The following EFTUD2 variants were observed in gnomAD, a reference collection of about 807,000 sequenced individuals.
The protein encoded by EFTUD2 is 116 kDa U5 small nuclear ribonucleoprotein component.
In EFTUD2, 9 loss-of-function variants were observed where a neutral mutation model predicts 114.3. The observed-to-expected ratio is 0.08, with a 90% CI of 0.05 to 0.14. The LOEUF (loss-of-function observed/expected upper bound fraction) is 0.14, where lower values mean the gene tolerates loss of function less well. Among genes scored for constraint, EFTUD2 ranks in the 10% least tolerant of loss-of-function variants. The pLI, the probability that EFTUD2 is intolerant of heterozygous loss-of-function variation, is 1.00. For missense variants in EFTUD2, 765 were observed against 1,241.2 expected (o/e 0.62, Z 5.76); for synonymous variants, 449 against 462.3 (o/e 0.97, Z 0.37).
chr17:44,886,309 C>T (rs1320766080), intron 3 of EFTUD2, among the ~76,000 whole-genome samples: 1 of 152,162 alleles, frequency 6.6e-6, no homozygotes, highest in East Asian at 1.9e-4. Context: ...GATGGAAAAA[C>T]ATATCAGGCC....
chr17:44,877,762 C>T (rs560239897), intron 9 of EFTUD2, among the ~76,000 whole-genome samples: 7 of 151,686 alleles, frequency 4.6e-5, no homozygotes, highest in South Asian at 4.2e-4. Flanking sequence ...GCCAAGATTG[C>T]GCCACTGCAC....
chr17:44,860,472 A>G lies in EFTUD2; in HGVS notation c.1679T>C (p.Val560Ala). The G allele has an allele frequency of 6.2e-7, 1 of 1,614,134 alleles. No individual in the cohort carries two copies. The highest frequency in any genetic ancestry group is 8.5e-7 in the Non-Finnish European group (1 of 1,180,018). ...VLIEGVDQPIVKTATITEPRG... is the reference protein window; with the variant it reads ...VLIEGVDQPIAKTATITEPRG... ...GGGTTCGGTTATGGTTGCTGTCTTC[A>G]CAATTGGTTGATCAACACCTTCAAT... Residue 560 changes from valine (V) to alanine (A), a missense_variant, in exon 17 of 28, where the codon GTG becomes GCG. By Grantham distance (64) the Val-to-Ala change is moderately conservative (BLOSUM62 0). This residue lies in a region of EFTUD2 where 149 missense variants were observed against 245.1 expected (regional missense o/e 0.61). Coordinates refer to ENST00000426333, the MANE Select transcript of EFTUD2 (RefSeq NM_004247.4).
intron 15 of EFTUD2, chr17:44,863,178 T>C (rs185372556): frequency 3.5e-4 from 120 of 342,990 alleles, no homozygotes; most frequent in Admixed American, 3.4e-3. Context: ...AGAGGCACTA[T>C]TGGCAAGATT....
rs2051033958 is a variant in EFTUD2 at position 44,879,654 on chromosome 17, T to G, written c.620-16A>C. 3.7e-6 allele frequency: 6 copies of G among 1,611,410 alleles called. No individual in the cohort carries two copies. The highest frequency in any genetic ancestry group is 5.1e-6 in the Non-Finnish European group (6 of 1,178,290). On this transcript the variant is annotated splice_polypyrimidine_tract_variant and intron_variant, in intron 8 of 27. Coordinates refer to ENST00000426333, the MANE Select transcript of EFTUD2 (RefSeq NM_004247.4). ...TTCACATGTCCTGAAAAGCAAATAC[T>G]AAGTAAGTCATCACTTGGTGCAGGA...
intron 9 of EFTUD2, among the ~76,000 whole-genome samples, chr17:44,876,701 A>C (rs2050957035): frequency 6.6e-6 from 1 of 151,944 alleles, no homozygotes; most frequent in Non-Finnish European, 1.5e-5. Flanking sequence ...AAATACAAAA[A>C]GATGAGCTGG....
chr17:44,853,409 A>G lies in EFTUD2; in HGVS notation c.2467-19T>C, dbSNP rs1158502277. 6.2e-7 allele frequency: 1 copy of G among 1,614,066 alleles called. No homozygotes were observed. Among genetic ancestry groups the G allele is most frequent in the Non-Finnish European group, 8.5e-7 (1 of 1,179,926 alleles). On this transcript the variant is annotated intron_variant, in intron 24 of 27. Transcript: ENST00000426333. The stretch of plus-strand genomic sequence containing the variant: ...GAGTAGCCTGCAGCAGAGCAAGAAG[A>G]AAGGCCCCTCAGCTTGGGGAAGGCT...
intron 9 of EFTUD2, among the ~76,000 whole-genome samples, 196 bp from the exon 10 acceptor site, chr17:44,876,296 T>C (rs1020370795): frequency 6.6e-6 from 1 of 152,116 alleles, no homozygotes; most frequent in Non-Finnish European, 1.5e-5. Context: ...CCTTGCAGGA[T>C]TGAGAAATGA....
intron 2 of EFTUD2, 47 bp downstream of exon 2, chr17:44,894,370 A>C: frequency 4.1e-6 from 6 of 1,471,780 alleles, no homozygotes; most frequent in Non-Finnish European, 5.7e-6. Flanking sequence ...TCTTGTCTTA[A>C]ATAAAATAAA....
At chr17:44,864,806 T>A in intron 14 of EFTUD2, 124 bp downstream of exon 14, 1 of 1,423,438 alleles carries the variant, frequency 7.0e-7, no homozygotes. Context: ...TGCATCTGAA[T>A]CTGTGGTTTG....
intron 2 of EFTUD2, among the ~76,000 whole-genome samples, chr17:44,887,409 A>C (rs2051194398): frequency 6.6e-6 from 1 of 152,234 alleles, no homozygotes; most frequent in Non-Finnish European, 1.5e-5. Flanking sequence ...AAAAAGTGGG[A>C]ACAACCAAAT....
rs760243869 is a variant in EFTUD2, at chr17:44,870,678, G to A, written c.994+1768C>T. ...GAACAGTAAATGTGTTTTTTCTCATGATTTTCTTTGTAACATCTTCTTTTC... is the reference window on the plus strand; with the variant it reads ...GAACAGTAAATGTGTTTTTTCTCATAATTTTCTTTGTAACATCTTCTTTTC... On this transcript the variant is annotated intron_variant, in intron 11 of 27. Transcript: ENST00000426333. 2.0e-5 allele frequency among the ~76,000 whole-genome samples: 3 copies of A among 152,024 alleles called. No individual in the cohort carries two copies. The East Asian group carries it at 5.8e-4, about 29-fold the overall frequency.
intron 10 of EFTUD2, among the ~76,000 whole-genome samples, chr17:44,875,103 A>G (rs1266436070): frequency 6.6e-6 from 1 of 152,198 alleles, no homozygotes; most frequent in African/African-American, 2.4e-5. Context: ...CAGCGGCTCA[A>G]ATCTGTAATG....
intron 23 of EFTUD2, chr17:44,853,952 T>G: frequency 7.4e-7 from 1 of 1,357,028 alleles, no homozygotes; most frequent in East Asian, 2.8e-5. Flanking sequence ...ATTTGGTCCA[T>G]GAAGCCCAAT....
At chr17:44,874,456 T>C (rs2050910814) in intron 10 of EFTUD2, among the ~76,000 whole-genome samples, 1 of 152,228 alleles carries the variant, frequency 6.6e-6, no homozygotes, top group Non-Finnish European at 1.5e-5. Context: ...TTTTGAAAAG[T>C]AGTGCTACAC....
chr17:44,859,326 C>A (rs953019948), intron 18 of EFTUD2, 145 bp from the exon 19 acceptor site: 146 of 663,816 alleles, frequency 2.2e-4, no homozygotes, highest in Non-Finnish European at 3.7e-4. Flanking sequence ...CAAGAAGGTT[C>A]AGTGAGGAGC....
chr17:44,867,746 C>T, intron 13 of EFTUD2, 61 bp downstream of exon 13: 1 of 1,368,612 alleles, frequency 7.3e-7, no homozygotes, highest in South Asian at 1.8e-5. Flanking sequence ...TGTGAGTTCA[C>T]CAGCTCTTCC....
chr17:44,866,995 T>C (rs1436479386), intron 13 of EFTUD2, among the ~76,000 whole-genome samples: 1 of 152,136 alleles, frequency 6.6e-6, no homozygotes, highest in African/African-American at 2.4e-5. Context: ...CAGTCCCAGC[T>C]TCTCAGGAGG....
At chr17:44,897,576 T>A (rs916699940) in intron 1 of EFTUD2, among the ~76,000 whole-genome samples, 7 of 152,290 alleles carry the variant, frequency 4.6e-5, no homozygotes, top group African/African-American at 1.7e-4. Flanking sequence ...TATTTTTTTA[T>A]TTTTTTGAGA....
At chr17:44,886,310 A>C (rs970558564) in intron 3 of EFTUD2, among the ~76,000 whole-genome samples, 1 of 152,226 alleles carries the variant, frequency 6.6e-6, no homozygotes, top group Non-Finnish European at 1.5e-5. Flanking sequence ...ATGGAAAAAC[A>C]TATCAGGCCA....
Sources: gnomAD v4.1 joint callset for allele counts (sites outside exome capture counted in the v4.1 genomes callset) on GRCh38, gnomAD v4.1.1 for gene constraint, gnomAD v4.1.1 regional missense constraint, MANE v1.5 for transcripts, NCBI Gene and HGNC (gene_info 2026-07-23, HGNC 2026-07-21) for gene names.